FSTL5: variants seen among roughly 807,000 people sequenced by gnomAD.
FSTL5 encodes the protein follistatin-related protein 5.
Under a neutral mutation model 89.1 loss-of-function variants are expected in FSTL5, and 62 were observed. That is an observed-to-expected ratio of 0.70 (90% CI 0.57 to 0.86). The LOEUF is 0.86. FSTL5 is among the 40% of genes least tolerant of loss of function. The pLI, the probability that FSTL5 is intolerant of heterozygous loss-of-function variation, is 0.00. For missense variants in FSTL5, 1,057 were observed against 1,001.6 expected, an observed-to-expected ratio of 1.06 and a Z score of -0.75; for synonymous variants, 383 against 346.2, an observed-to-expected ratio of 1.11 and a Z score of -1.18.
intron 5 of FSTL5, among the ~76,000 whole-genome samples, chr4:161,761,175 C>T (rs1740780806): frequency 6.6e-6 from 1 of 152,132 alleles, no homozygotes; most frequent in African/African-American, 2.4e-5. Context: ...TTGTAGATGG[C>T]AAGCCCTAAA....
At chr4:162,148,022 G>A (rs991351853) in intron 1 of FSTL5, among the ~76,000 whole-genome samples, 3 of 151,994 alleles carry the variant, frequency 2.0e-5, no homozygotes, top group Admixed American at 2.0e-4. Context: ...AACAATTAAT[G>A]TTTGAAATAC....
intron 1 of FSTL5, among the ~76,000 whole-genome samples, chr4:162,157,182 A>G (rs1232892285): frequency 1.3e-5 from 2 of 152,148 alleles, no homozygotes; most frequent in East Asian, 1.9e-4. Context: ...ACAAAGCTAC[A>G]TGATAAAGTG....
At position 162,052,583 on chromosome 4, in the gene FSTL5, T is replaced by A. The variant is rs542588984; in HGVS notation, c.127-18925A>T. ...TTCCCTAAGGGATCCAGAGAGAGGA[T>A]GACCATCAGAGTTTTCTGTGGCAAT... On this transcript the variant is annotated intron_variant, in intron 2 of 15. Coordinates refer to ENST00000306100, the MANE Select transcript of FSTL5 (RefSeq NM_020116.5). Among the ~76,000 whole-genome samples the A allele has an allele frequency of 3.3e-5, 5 of 151,848 alleles. No homozygotes were observed. The South Asian group carries it at 1.0e-3, about 31-fold the overall frequency.
At chr4:162,073,562 C>T (rs1342243174) in intron 2 of FSTL5, among the ~76,000 whole-genome samples, 1 of 151,604 alleles carries the variant, frequency 6.6e-6, no homozygotes, top group Non-Finnish European at 1.5e-5. Context: ...AGGCTCTAAG[C>T]AGCTATATTT....
chr4:161,920,155 A>G (rs1414124307), intron 4 of FSTL5, among the ~76,000 whole-genome samples: 1 of 152,184 alleles, frequency 6.6e-6, no homozygotes, highest in Non-Finnish European at 1.5e-5. Context: ...GGGAAGCCAT[A>G]TGGTGCAATG....
chr4:161,940,497 A>T (rs2110921717), intron 3 of FSTL5, among the ~76,000 whole-genome samples: 1 of 151,972 alleles, frequency 6.6e-6, no homozygotes, highest in Non-Finnish European at 1.5e-5. Flanking sequence ...TTTACAAAGC[A>T]AGAATCCTGA....
rs1731835879 is a variant in FSTL5 at position 161,542,066 on chromosome 4, C to T, written c.1177+466G>A. 3.3e-5 allele frequency among the ~76,000 whole-genome samples: 5 copies of T among 151,722 alleles called. No individual in the cohort carries two copies. The South Asian group carries it at 1.0e-3, about 31-fold the overall frequency. ...AACTTTAAAAAATGTAAATGGAAAA[C>T]ATTTAGTAACTTTTTGATATTCTTC... is the stretch of plus-strand genomic sequence containing the variant. On this transcript the variant is annotated intron_variant, in intron 9 of 15. Coordinates refer to ENST00000306100, the MANE Select transcript of FSTL5 (RefSeq NM_020116.5).
At chr4:161,847,984 T>A (rs183516023) in intron 4 of FSTL5, among the ~76,000 whole-genome samples, 1 of 124,636 alleles carries the variant, frequency 8.0e-6, no homozygotes, top group Non-Finnish European at 1.6e-5. Flanking sequence ...TGCAGTTAGC[T>A]GACATCGCGC....
intron 15 of FSTL5, among the ~76,000 whole-genome samples, chr4:161,448,597 A>C (rs1733038930): frequency 6.6e-6 from 1 of 152,140 alleles, no homozygotes; most frequent in African/African-American, 2.4e-5. Flanking sequence ...TCCTTGCTGA[A>C]TTTATGCCAA....
intron 15 of FSTL5, among the ~76,000 whole-genome samples, chr4:161,400,382 TATC>T (rs1273556783): frequency 6.6e-6 from 1 of 152,072 alleles, no homozygotes; most frequent in African/African-American, 2.4e-5. Flanking sequence ...AAGAATTGCT[TATC>T]ATCATTTTAA....
intron 4 of FSTL5, among the ~76,000 whole-genome samples, chr4:161,853,060 T>C (rs1731605946): frequency 6.6e-6 from 1 of 152,208 alleles, no homozygotes; most frequent in Non-Finnish European, 1.5e-5. Flanking sequence ...CATTTATGTA[T>C]TATTTTATCA....
At chr4:161,898,210 A>G (rs995850930) in intron 4 of FSTL5, among the ~76,000 whole-genome samples, 4 of 150,770 alleles carry the variant, frequency 2.7e-5, no homozygotes, top group Non-Finnish European at 5.9e-5. Flanking sequence ...TTTATCACAC[A>G]GTATATTTAT....
At position 161,905,058 on chromosome 4, in the gene FSTL5, A is replaced by G. The variant is rs939613271; in HGVS notation, c.409+15346T>C. 2.6e-5 allele frequency among the ~76,000 whole-genome samples: 4 copies of G among 152,040 alleles called. No individual in the cohort carries two copies. In the East Asian group the frequency reaches 7.7e-4, roughly 29 times the overall value. On this transcript the variant is annotated intron_variant, in intron 4 of 15. Transcript: ENST00000306100. ...TTAACAAGCCTAATATCATGAATTT[A>G]TCATTGTACAACTATCATATAAATG...
intron 4 of FSTL5, among the ~76,000 whole-genome samples, chr4:161,870,600 A>C (rs994121827): frequency 6.6e-5 from 10 of 152,162 alleles, no homozygotes; most frequent in Non-Finnish European, 1.5e-4. Context: ...CTTAGCACTC[A>C]ATAAATTCTT....
intron 6 of FSTL5, among the ~76,000 whole-genome samples, chr4:161,720,310 A>T (rs887933415): frequency 6.6e-6 from 1 of 152,182 alleles, no homozygotes; most frequent in Admixed American, 6.5e-5. Context: ...CAAAACTACA[A>T]TGAGATATCA....
At chr4:162,157,093 T>C (rs1333528831) in intron 1 of FSTL5, among the ~76,000 whole-genome samples, 1 of 152,054 alleles carries the variant, frequency 6.6e-6, no homozygotes, top group African/African-American at 2.4e-5. Context: ...GCAAAGAATG[T>C]CAAAATAATT....
chr4:161,512,684 T>A (rs907557453), intron 10 of FSTL5, among the ~76,000 whole-genome samples: 1 of 151,988 alleles, frequency 6.6e-6, no homozygotes, highest in Non-Finnish European at 1.5e-5. Context: ...TAGGAATAAA[T>A]ACCAAAAATT....
intron 11 of FSTL5, among the ~76,000 whole-genome samples, chr4:161,500,955 C>G (rs1174485049): frequency 1.3e-5 from 2 of 152,050 alleles, no homozygotes; most frequent in Non-Finnish European, 2.9e-5. Context: ...CTGCTTCTCC[C>G]CTGTTCCAAT....
At chr4:162,078,989 A>G (rs533632048) in intron 2 of FSTL5, among the ~76,000 whole-genome samples, 3 of 151,920 alleles carry the variant, frequency 2.0e-5, no homozygotes, top group African/African-American at 7.2e-5. Flanking sequence ...GAAAACTGCA[A>G]TGGTTGAGGT....
Sources: gnomAD v4.1 joint callset for allele counts (sites outside exome capture counted in the v4.1 genomes callset) on GRCh38, gnomAD v4.1.1 for gene constraint, MANE v1.5 for transcripts, NCBI Gene and HGNC (gene_info 2026-07-23, HGNC 2026-07-21) for gene names.